The following DPP6 variants were observed in gnomAD, a reference collection of about 807,000 sequenced individuals.
The protein encoded by DPP6 is A-type potassium channel modulatory protein DPP6.
DPP6 carries 69 observed loss-of-function variants against 122.6 expected under a neutral mutation model. That is an observed-to-expected ratio of 0.56 (90% CI 0.46 to 0.69). The LOEUF is 0.69. Among genes scored for constraint, DPP6 ranks in the 30% least tolerant of loss-of-function variants. The pLI is 0.00. For synonymous variants in DPP6, 418 were observed against 433.1 expected, an observed-to-expected ratio of 0.97 and a Z score of 0.43; for missense variants, 928 against 1,116.9, an observed-to-expected ratio of 0.83 and a Z score of 2.41.
At chr7:154,231,129 A>G (rs1476725013) in intron 1 of DPP6, among the ~76,000 whole-genome samples, 1 of 151,892 alleles carries the variant, frequency 6.6e-6, no homozygotes, top group Non-Finnish European at 1.5e-5. Flanking sequence ...TCAGTATAGA[A>G]CCCTCCCACA....
chr7:154,678,267 C>T (rs1839049460), intron 7 of DPP6, among the ~76,000 whole-genome samples: 1 of 152,218 alleles, frequency 6.6e-6, no homozygotes, highest in Non-Finnish European at 1.5e-5. Context: ...GGTTCCCTTC[C>T]ACGTGGAAGC....
chr7:154,049,936 C>T (rs1800214542), upstream of DPP6, among the ~76,000 whole-genome samples: 1 of 152,200 alleles, frequency 6.6e-6, no homozygotes, highest in Non-Finnish European at 1.5e-5. Context: ...GTGCAAGGTG[C>T]AAGAGTATAG....
At chr7:154,141,145 T>C (rs1410018760) in intron 1 of DPP6, among the ~76,000 whole-genome samples, 1 of 152,220 alleles carries the variant, frequency 6.6e-6, no homozygotes, top group East Asian at 1.9e-4. Flanking sequence ...CATGGGTGTG[T>C]GGGCTACTGT....
At chr7:154,687,250 T>C (rs1444529821) in intron 7 of DPP6, among the ~76,000 whole-genome samples, 4 of 152,214 alleles carry the variant, frequency 2.6e-5, no homozygotes, top group Admixed American at 2.0e-4. Context: ...TAGCTGTAAT[T>C]GAGTCTTTTT....
intron 1 of DPP6, among the ~76,000 whole-genome samples, chr7:154,084,989 C>CAAAAAAAAAAAAA (rs370222780): frequency 2.5e-5 from 2 of 78,432 alleles, no homozygotes; most frequent in African/African-American, 5.3e-5. Context: ...GACTCCGTCT[C>CAAAAAAAAAAAAA]AAAAAAAAAA....
At chr7:154,216,140 C>G (rs1799981101) in intron 1 of DPP6, among the ~76,000 whole-genome samples, 1 of 152,160 alleles carries the variant, frequency 6.6e-6, no homozygotes, top group Non-Finnish European at 1.5e-5. Context: ...CCAGAGCAGC[C>G]TGGCTCCAGG....
chr7:154,049,613 G>C (rs1376831046), upstream of DPP6, among the ~76,000 whole-genome samples: 1 of 131,664 alleles, frequency 7.6e-6, no homozygotes, highest in African/African-American at 2.7e-5. Context: ...TTTAGAGATG[G>C]AGTCGTGCTC....
At chr7:154,711,420 G>T (rs554939764) in intron 7 of DPP6, among the ~76,000 whole-genome samples, 1 of 152,302 alleles carries the variant, frequency 6.6e-6, no homozygotes, top group Admixed American at 6.5e-5. Flanking sequence ...CTTTTCAACA[G>T]AAGTTTGGTA....
intron 1 of DPP6, among the ~76,000 whole-genome samples, chr7:154,012,469 G>T (rs2129049195): frequency 6.6e-6 from 1 of 152,122 alleles, no homozygotes; most frequent in Admixed American, 6.5e-5. Context: ...AGATAAATTG[G>T]GCATTTTTGA....
chr7:154,463,187 CT>C (rs1325190805), intron 2 of DPP6, among the ~76,000 whole-genome samples: 1 of 137,280 alleles, frequency 7.3e-6, no homozygotes, highest in Non-Finnish European at 1.6e-5. Flanking sequence ...ACCTTTACTT[CT>C]CCTTTTCTTT....
Position 154,853,709 on chromosome 7 carries a change from G to C in DPP6, c.1667-71G>C, listed in dbSNP as rs1584898859. 3.2e-6 allele frequency: 5 copies of C among 1,578,532 alleles called. No homozygotes were observed. The East Asian group carries it at 1.1e-4, about 36-fold the overall frequency. On this transcript the variant is annotated intron_variant, in intron 16 of 25. Coordinates refer to ENST00000377770, the MANE Select transcript of DPP6 (RefSeq NM_130797.4). ...TATCTACGTGGCATAAGAAAAGCCTGTTTTCTTGTTCTCGGCTAAACTAAT... is the reference window on the plus strand; with the variant it reads ...TATCTACGTGGCATAAGAAAAGCCTCTTTTCTTGTTCTCGGCTAAACTAAT...
chr7:154,839,951 G>A (rs1446004994), intron 16 of DPP6, among the ~76,000 whole-genome samples: 4 of 152,144 alleles, frequency 2.6e-5, no homozygotes, highest in Non-Finnish European at 2.9e-5. Flanking sequence ...GGGGGACAGC[G>A]CTGAGGACAT....
intron 1 of DPP6, among the ~76,000 whole-genome samples, chr7:154,342,726 G>A (rs1810038395): frequency 6.6e-6 from 1 of 152,104 alleles, no homozygotes; most frequent in South Asian, 2.1e-4. Flanking sequence ...GTGATTTAAG[G>A]AAACCATAAA....
intron 1 of DPP6, among the ~76,000 whole-genome samples, chr7:153,971,678 T>G (rs1453059191): frequency 7.1e-6 from 1 of 140,884 alleles, no homozygotes; most frequent in East Asian, 2.1e-4. Context: ...AATTTTGACG[T>G]GTGATTATTT....
intron 5 of DPP6, among the ~76,000 whole-genome samples, chr7:154,609,407 A>G (rs1459785477): frequency 6.6e-6 from 1 of 152,222 alleles, no homozygotes; most frequent in Non-Finnish European, 1.5e-5. Flanking sequence ...CGAGTTCACT[A>G]GGGGATTTAC....
At chr7:154,511,746 C>T (rs181633304) in intron 3 of DPP6, among the ~76,000 whole-genome samples, 83 of 152,298 alleles carry the variant, frequency 5.4e-4, no homozygotes, top group African/African-American at 1.8e-3. Context: ...TACAAATACT[C>T]CATTTTCCTA....
At chr7:154,773,711 G>A (rs569402338) in intron 10 of DPP6, among the ~76,000 whole-genome samples, 1 of 152,264 alleles carries the variant, frequency 6.6e-6, no homozygotes, top group African/African-American at 2.4e-5. Context: ...AACTCATTCT[G>A]AGGCTCAGCA....
intron 13 of DPP6, among the ~76,000 whole-genome samples, chr7:154,801,926 C>T (rs1382751502): frequency 6.6e-6 from 1 of 152,060 alleles, no homozygotes; most frequent in Non-Finnish European, 1.5e-5. Flanking sequence ...CGCTACCAGC[C>T]ATCACTCACT....
intron 1 of DPP6, among the ~76,000 whole-genome samples, chr7:153,949,158 G>A (rs1481794652): frequency 6.6e-6 from 1 of 152,242 alleles, no homozygotes; most frequent in African/African-American, 2.4e-5. Context: ...CTGCAGTGGA[G>A]TGAGTGTTGC....
Sources: allele counts gnomAD v4.1 joint callset (sites outside exome capture counted in the v4.1 genomes callset), GRCh38; gene constraint gnomAD v4.1.1; transcripts MANE v1.5; gene names NCBI Gene and HGNC (gene_info 2026-07-23, HGNC 2026-07-21).